ATF2: variants seen among roughly 807,000 people sequenced by gnomAD.
ATF2 encodes the protein activating transcription factor 2.
ATF2 carries 24 observed loss-of-function variants against 60.6 expected under a neutral mutation model. That is an observed-to-expected ratio of 0.40 (90% confidence interval 0.29 to 0.56). ATF2 has a LOEUF of 0.56. Among genes scored for constraint, ATF2 ranks in the 20% least tolerant of loss-of-function variants. The pLI is 0.54. For missense variants in ATF2, 433 were observed against 607.7 expected (o/e 0.71, Z 3.02); for synonymous variants, 206 against 215.4 (o/e 0.96, Z 0.38).
intron 2 of ATF2, among the ~76,000 whole-genome samples, chr2:175,142,186 CTT>C (rs377013083): frequency 1.7e-4 from 22 of 132,956 alleles, no homozygotes; most frequent in Admixed American, 1.5e-4. Flanking sequence ...GTTTTCTTTT[CTT>C]TTTTTTTTTT....
At chr2:175,167,728 A>C (rs1261573296) in intron 1 of ATF2, 2 of 483,796 alleles carry the variant, frequency 4.1e-6, no homozygotes, top group Non-Finnish European at 8.6e-6. Flanking sequence ...GATAATTCGG[A>C]GGGAGGGGTC....
At chr2:175,103,286 C>T (rs1196689494) in intron 10 of ATF2, among the ~76,000 whole-genome samples, 1 of 152,162 alleles carries the variant, frequency 6.6e-6, no homozygotes, top group Non-Finnish European at 1.5e-5. Context: ...ATCTGCTGCT[C>T]TATTACTTAT....
intron 1 of ATF2, among the ~76,000 whole-genome samples, chr2:175,157,107 C>G (rs1699736649): frequency 6.6e-6 from 1 of 152,172 alleles, no homozygotes; most frequent in Admixed American, 6.5e-5. Context: ...ATTCAGTTTT[C>G]TAAAGATGCA....
chr2:175,142,742 T>TG (rs1698659792), intron 2 of ATF2, among the ~76,000 whole-genome samples: 2 of 151,156 alleles, frequency 1.3e-5, no homozygotes, highest in African/African-American at 4.9e-5. Flanking sequence ...TGTGTGTGTG[T>TG]GTGTGTGTGA....
At chr2:175,135,980 G>T (rs909941329) in intron 3 of ATF2, among the ~76,000 whole-genome samples, 1 of 151,352 alleles carries the variant, frequency 6.6e-6, no homozygotes, top group Non-Finnish European at 1.5e-5. Context: ...AAACAAATCC[G>T]GGAAATGCTA....
chr2:175,101,189 G>T (rs935361166), intron 10 of ATF2, among the ~76,000 whole-genome samples: 1 of 152,146 alleles, frequency 6.6e-6, no homozygotes, highest in Non-Finnish European at 1.5e-5. Context: ...GGATAATGTG[G>T]AAGTGGATGG....
chr2:175,088,022 A>T (rs1266777275), intron 12 of ATF2, among the ~76,000 whole-genome samples: 1 of 152,206 alleles, frequency 6.6e-6, no homozygotes, highest in Non-Finnish European at 1.5e-5. Flanking sequence ...GCATAATGAC[A>T]GAATGAAAAA....
chr2:175,078,246 C>A (rs1037281135), intron 13 of ATF2, among the ~76,000 whole-genome samples: 5 of 152,124 alleles, frequency 3.3e-5, no homozygotes, highest in Non-Finnish European at 5.9e-5. Flanking sequence ...GTTGGGCTTA[C>A]AAGGGATGAG....
At chr2:175,100,150 T>C (rs1009794476) in intron 10 of ATF2, among the ~76,000 whole-genome samples, 2 of 152,250 alleles carry the variant, frequency 1.3e-5, no homozygotes, top group Non-Finnish European at 2.9e-5. Context: ...TACCTCAAAC[T>C]ATCTGTGACT....
At chr2:175,108,489 C>T (rs1412412911) in intron 10 of ATF2, among the ~76,000 whole-genome samples, 4 of 146,212 alleles carry the variant, frequency 2.7e-5, no homozygotes, top group African/African-American at 7.7e-5. Flanking sequence ...CCCGGCCAGC[C>T]GCCCCTTCCG....
chr2:175,103,156 T>C (rs1043018081), intron 10 of ATF2, among the ~76,000 whole-genome samples: 5 of 152,082 alleles, frequency 3.3e-5, no homozygotes, highest in African/African-American at 1.2e-4. Context: ...CCATCACAGT[T>C]CAAAGAAAAA....
chr2:175,124,770 A>T (rs911992072), intron 4 of ATF2, among the ~76,000 whole-genome samples: 2 of 152,048 alleles, frequency 1.3e-5, no homozygotes, highest in African/African-American at 4.8e-5. Flanking sequence ...TATAATGTGT[A>T]AACATTCTAC....
chr2:175,125,606 G>A (rs1697276831), intron 4 of ATF2, among the ~76,000 whole-genome samples: 1 of 152,014 alleles, frequency 6.6e-6, no homozygotes, highest in South Asian at 2.1e-4. Context: ...TGTATTTTAA[G>A]AAACTAAGTA....
chr2:175,165,738 C>A lies in ATF2; in HGVS notation c.-143+2312G>T, dbSNP rs984537940. On this transcript the variant is annotated intron_variant, in intron 1 of 13. Coordinates refer to ENST00000264110, the MANE Select transcript of ATF2 (RefSeq NM_001880.4). Reference sequence around the variant, plus strand: ...AGGTTGGAGTGCAGTGGCGCCATCTCGGCTCACTGCAACCTCCGCCTCCCA... The same window carrying A: ...AGGTTGGAGTGCAGTGGCGCCATCTAGGCTCACTGCAACCTCCGCCTCCCA... 3.9e-5 allele frequency among the ~76,000 whole-genome samples: 6 copies of A among 152,168 alleles called. No homozygotes were observed. In the East Asian group the frequency reaches 9.6e-4, roughly 24 times the overall value.
chr2:175,085,442 G>C (rs1402497240), intron 12 of ATF2, among the ~76,000 whole-genome samples: 1 of 152,036 alleles, frequency 6.6e-6, no homozygotes, highest in Non-Finnish European at 1.5e-5. Flanking sequence ...GGCTGAGGCA[G>C]GAGAACTGCT....
intron 2 of ATF2, among the ~76,000 whole-genome samples, chr2:175,138,171 G>T (rs930354236): frequency 1.3e-5 from 2 of 152,146 alleles, no homozygotes; most frequent in Admixed American, 1.3e-4. Context: ...GAGAGTTCTA[G>T]GTAAAATTTT....
chr2:175,167,797 G>A, intron 1 of ATF2: 4 of 448,778 alleles, frequency 8.9e-6, no homozygotes, highest in South Asian at 6.3e-5. Context: ...AGAGGGAGGG[G>A]CCGGAACAAC....
intron 12 of ATF2, among the ~76,000 whole-genome samples, chr2:175,087,167 A>G (rs540990564): frequency 1.3e-5 from 2 of 152,216 alleles, no homozygotes; most frequent in South Asian, 2.1e-4. Flanking sequence ...ACTATCTACT[A>G]TTTGTGAGTT....
chr2:175,075,484 C>T (rs1032141072), intron 13 of ATF2, among the ~76,000 whole-genome samples: 1 of 152,034 alleles, frequency 6.6e-6, no homozygotes, highest in African/African-American at 2.4e-5. Flanking sequence ...AACATTGCAT[C>T]TGAAAAGATA....
Sources: gnomAD v4.1 joint callset for allele counts (sites outside exome capture counted in the v4.1 genomes callset) on GRCh38, gnomAD v4.1.1 for gene constraint, MANE v1.5 for transcripts, NCBI Gene and HGNC (gene_info 2026-07-23, HGNC 2026-07-21) for gene names.